CCR5AS: variants seen among roughly 807,000 people sequenced by gnomAD.
The protein encoded by CCR5AS is CCR5 antisense RNA.
At chr3:46,405,086 A>G (rs2106783910) in intron 1 of CCR5AS, among the ~76,000 whole-genome samples, 2 of 152,368 alleles carry the variant, frequency 1.3e-5, no homozygotes, top group Middle Eastern at 3.4e-3. Flanking sequence ...AGAATAATAA[A>G]GAGAACTTTC....
intron 1 of CCR5AS, among the ~76,000 whole-genome samples, chr3:46,405,676 G>A (rs1702038037): frequency 6.6e-6 from 1 of 152,070 alleles, no homozygotes; most frequent in Admixed American, 6.5e-5. Flanking sequence ...AGAGGAGAGG[G>A]CACTTACAGC....
intron 1 of CCR5AS, among the ~76,000 whole-genome samples, chr3:46,404,912 A>ATATACAG (rs1234089199): frequency 6.6e-6 from 1 of 152,250 alleles, no homozygotes; most frequent in African/African-American, 2.4e-5. Flanking sequence ...GTAGTGGGGA[A>ATATACAG]TGAGAGTATA....
intron 2 of CCR5AS, among the ~76,000 whole-genome samples, chr3:46,383,646 G>A (rs1473482157): frequency 6.6e-6 from 1 of 152,168 alleles, no homozygotes; most frequent in Non-Finnish European, 1.5e-5. Flanking sequence ...GGGTAAGAGA[G>A]GGATGGGAAG....
chr3:46,381,166 G>A (rs933795078), intron 2 of CCR5AS, among the ~76,000 whole-genome samples: 2 of 152,200 alleles, frequency 1.3e-5, no homozygotes, highest in African/African-American at 4.8e-5. Flanking sequence ...CCCATGCTGA[G>A]CTTGGCAACT....
intron 1 of CCR5AS, among the ~76,000 whole-genome samples, chr3:46,404,332 T>C (rs1575289468): frequency 7.1e-6 from 1 of 140,462 alleles, no homozygotes. Flanking sequence ...TCTCTCTTTT[T>C]TTTTTTTTTT....
intron 2 of CCR5AS, among the ~76,000 whole-genome samples, chr3:46,389,628 C>T (rs1559573912): frequency 1.3e-5 from 2 of 152,028 alleles, no homozygotes; most frequent in African/African-American, 2.4e-5. Context: ...TGGGACGAGT[C>T]GGGGAGTGCT....
intron 1 of CCR5AS, among the ~76,000 whole-genome samples, chr3:46,401,073 A>G (rs112547543): frequency 0.014 from 2,073 of 152,274 alleles, 53 homozygotes; most frequent in African/African-American, 0.047. Flanking sequence ...AGAAAGTGGA[A>G]TATTGGGAGG....
At chr3:46,383,266 C>A (rs1272885265) in intron 2 of CCR5AS, among the ~76,000 whole-genome samples, 2 of 152,184 alleles carry the variant, frequency 1.3e-5, no homozygotes, top group African/African-American at 2.4e-5. Flanking sequence ...CTTTTGAAAG[C>A]CTTTTAGGGT....
At chr3:46,388,925 G>T (rs1701884541) in intron 2 of CCR5AS, among the ~76,000 whole-genome samples, 1 of 152,182 alleles carries the variant, frequency 6.6e-6, no homozygotes, top group Non-Finnish European at 1.5e-5. Flanking sequence ...AGTCAAGAGT[G>T]GCGGATTGGG....
chr3:46,378,908 C>T (rs1701787000), intron 2 of CCR5AS, among the ~76,000 whole-genome samples: 1 of 151,932 alleles, frequency 6.6e-6, no homozygotes, highest in Non-Finnish European at 1.5e-5. Context: ...GCTTCAAGCT[C>T]CTCCCTTGTT....
At chr3:46,385,894 C>G (rs1282773490) in intron 2 of CCR5AS, among the ~76,000 whole-genome samples, 1 of 152,072 alleles carries the variant, frequency 6.6e-6, no homozygotes, top group Non-Finnish European at 1.5e-5. Flanking sequence ...GCGCCCACCA[C>G]AACGCCTAGC....
exon 4 of CCR5AS, among the ~76,000 whole-genome samples, chr3:46,364,462 C>T (rs1229173265): frequency 6.6e-6 from 1 of 152,146 alleles, no homozygotes; most frequent in Non-Finnish European, 1.5e-5. Flanking sequence ...AAAAAGATTC[C>T]TTTCAAAATA....
At chr3:46,365,443 A>G (rs1701590541) in intron 3 of CCR5AS, among the ~76,000 whole-genome samples, 1 of 152,238 alleles carries the variant, frequency 6.6e-6, no homozygotes. Flanking sequence ...CTGACATAAT[A>G]CTATTGCATA....
intron 2 of CCR5AS, among the ~76,000 whole-genome samples, chr3:46,382,327 G>T (rs1441536638): frequency 6.6e-6 from 1 of 152,188 alleles, no homozygotes; most frequent in East Asian, 1.9e-4. Context: ...AGTCTTTTGG[G>T]CCCTGTGTAA....
intron 2 of CCR5AS, among the ~76,000 whole-genome samples, chr3:46,391,093 G>C (rs1177848674): frequency 1.3e-5 from 2 of 152,238 alleles, no homozygotes; most frequent in Non-Finnish European, 2.9e-5. Context: ...AGTTCCAGGG[G>C]CTCTGGGAGT....
At chr3:46,369,769 T>C (rs563823814) in intron 3 of CCR5AS, among the ~76,000 whole-genome samples, 1 of 152,214 alleles carries the variant, frequency 6.6e-6, no homozygotes, top group Admixed American at 6.5e-5. Flanking sequence ...TTCAGCCCAA[T>C]ACCCAGACGA....
intron 3 of CCR5AS, chr3:46,370,779 A>G (rs1405813914): frequency 2.0e-5 from 3 of 152,220 alleles, no homozygotes; most frequent in African/African-American, 7.2e-5. Context: ...TTCAGACCAG[A>G]GATCTATTCT....
chr3:46,400,233 T>C (rs891763921), intron 1 of CCR5AS, among the ~76,000 whole-genome samples: 2 of 152,178 alleles, frequency 1.3e-5, no homozygotes, highest in Non-Finnish European at 2.9e-5. Context: ...TCAAGTAATC[T>C]GCCCACCTCG....
At chr3:46,401,833 A>G (rs1268796923) in intron 1 of CCR5AS, among the ~76,000 whole-genome samples, 1 of 151,178 alleles carries the variant, frequency 6.6e-6, no homozygotes, top group East Asian at 1.9e-4. Flanking sequence ...ACCACACAGT[A>G]GTATTTGTAT....
Sources: allele counts gnomAD v4.1 joint callset (sites outside exome capture counted in the v4.1 genomes callset), GRCh38; gene constraint gnomAD v4.1.1; transcripts MANE v1.5; gene names NCBI Gene and HGNC (gene_info 2026-07-23, HGNC 2026-07-21).